Variants in TERB1 observed in about 807,000 individuals in gnomAD.
The protein encoded by TERB1 is telomere repeats-binding bouquet formation protein 1.
In TERB1, 63 loss-of-function variants were observed where a neutral mutation model predicts 92.3. The observed-to-expected ratio is 0.68, with a 90% CI of 0.56 to 0.84. The LOEUF (loss-of-function observed/expected upper bound fraction) is 0.84. Ranked by LOEUF, TERB1 falls within the 40% of genes least tolerant of loss-of-function variation. The pLI is 0.00. For synonymous variants in TERB1, 252 were observed against 283.9 expected, an observed-to-expected ratio of 0.89 and a Z score of 1.13; for missense variants, 709 against 843.7, an observed-to-expected ratio of 0.84 and a Z score of 1.98.
At chr16:66,763,140 CTTT>C (rs879758552) in intron 16 of TERB1, among the ~76,000 whole-genome samples, 1 of 144,776 alleles carries the variant, frequency 6.9e-6, no homozygotes, top group Non-Finnish European at 1.5e-5. Context: ...TTCATCATTA[CTTT>C]TTTTTTTTTA....
chr16:66,775,115 T>TA lies in TERB1; in HGVS notation c.1111+2dup. On this transcript the variant is annotated splice_region_variant and intron_variant, in intron 12 of 18. Transcript: ENST00000433154. ...TATGTTCTTAAAGTAATAGTACACTTACTAATTTTTTTGCAGTTGTGAAGC... is the reference window on the plus strand; with the variant it reads ...TATGTTCTTAAAGTAATAGTACACTTAACTAATTTTTTTGCAGTTGTGAAGC... The TA allele has an allele frequency of 1.3e-6, 2 of 1,551,372 alleles. No individual in the cohort carries two copies. Among genetic ancestry groups the TA allele is most frequent in the Non-Finnish European group, 1.7e-6 (2 of 1,146,870 alleles).
chr16:66,778,597 T>C (rs2018586575), intron 10 of TERB1, among the ~76,000 whole-genome samples: 1 of 152,120 alleles, frequency 6.6e-6, no homozygotes, highest in South Asian at 2.1e-4. Flanking sequence ...TTTGTATTTT[T>C]AGTAGAGATT....
rs553456043 is a variant in TERB1, at chr16:66,759,355, A to G, written c.1781-65T>C. 1.3e-5 allele frequency: 17 copies of G among 1,283,324 alleles called. No homozygotes were observed. In the South Asian group the frequency reaches 2.6e-4, roughly 20 times the overall value. The allele number at this position is 1,283,324 out of a possible 1,614,324, so 79.5% of individuals were successfully genotyped here. A position where few individuals can be genotyped will look rare whatever the true frequency, so the allele number is the denominator to read the frequency against. ...AAATATCTAGTAACAAATCTATGAT[A>G]GCAAATATCTATATGATGGTAACTG... is the stretch of plus-strand genomic sequence containing the variant. On this transcript the variant is annotated intron_variant, in intron 16 of 18. Coordinates refer to ENST00000433154, the MANE Select transcript of TERB1 (RefSeq NM_001136505.2).
chr16:66,776,036 T>TA (rs2018542401), intron 11 of TERB1, among the ~76,000 whole-genome samples: 1 of 151,598 alleles, frequency 6.6e-6, no homozygotes, highest in South Asian at 2.1e-4. Flanking sequence ...ACATAGAAAA[T>TA]AATTCACTTA....
chr16:66,799,140 T>C (rs1959217703), intron 2 of TERB1, among the ~76,000 whole-genome samples: 1 of 152,264 alleles, frequency 6.6e-6, no homozygotes, highest in Non-Finnish European at 1.5e-5. Context: ...ATGTTTTTGT[T>C]TCATGGACAA....
intron 3 of TERB1, among the ~76,000 whole-genome samples, chr16:66,793,605 G>T (rs972684338): frequency 6.6e-6 from 1 of 151,924 alleles, no homozygotes; most frequent in East Asian, 1.9e-4. Flanking sequence ...TCTGCCTCCC[G>T]GGCTCAAGCA....
chr16:66,785,248 G>C (rs1428358290), intron 9 of TERB1, among the ~76,000 whole-genome samples: 1 of 151,924 alleles, frequency 6.6e-6, no homozygotes, highest in Non-Finnish European at 1.5e-5. Context: ...TTACCATGTT[G>C]GTCAGGCTGG....
chr16:66,772,807 G>A (rs2018476422), intron 12 of TERB1, 58 bp from the exon 13 acceptor site: 1 of 1,326,152 alleles, frequency 7.5e-7, no homozygotes. Context: ...TTATATATAA[G>A]GACAACTTCA....
intron 3 of TERB1, among the ~76,000 whole-genome samples, chr16:66,792,215 G>T (rs906046998): frequency 6.6e-6 from 1 of 152,226 alleles, no homozygotes; most frequent in Non-Finnish European, 1.5e-5. Context: ...AAAATCCAAC[G>T]TGCATCCCTG....
intron 12 of TERB1, among the ~76,000 whole-genome samples, chr16:66,774,897 A>G (rs1311050352): frequency 6.6e-6 from 1 of 151,720 alleles, no homozygotes; most frequent in Non-Finnish European, 1.5e-5. Context: ...GAGTTTCTCT[A>G]TGTTGCCCAG....
At chr16:66,785,322 C>A (rs1485038583) in intron 9 of TERB1, among the ~76,000 whole-genome samples, 3 of 152,128 alleles carry the variant, frequency 2.0e-5, no homozygotes, top group African/African-American at 2.4e-5. Context: ...GGATTATAGG[C>A]GTGAGCCACC....
At chr16:66,769,825 T>G (rs2018412088) in intron 14 of TERB1, 138 bp downstream of exon 14, 1 of 677,208 alleles carries the variant, frequency 1.5e-6, no homozygotes, top group African/African-American at 1.8e-5. Context: ...TCCCAACACT[T>G]CCTACTTTAG....
chr16:66,794,411 T>G (rs1567479738), intron 3 of TERB1, among the ~76,000 whole-genome samples: 1 of 152,016 alleles, frequency 6.6e-6, no homozygotes, highest in Non-Finnish European at 1.5e-5. Context: ...GCAAGAAACT[T>G]CTTTACGTAT....
chr16:66,775,634 A>AAAAAAC (rs1286493064), intron 11 of TERB1, among the ~76,000 whole-genome samples: 2 of 152,146 alleles, frequency 1.3e-5, no homozygotes, highest in Admixed American at 6.5e-5. Flanking sequence ...ACTTTGTCTC[A>AAAAAAC]AAAAACAAAA....
At chr16:66,765,721 G>C (rs1335178620) in intron 16 of TERB1, among the ~76,000 whole-genome samples, 3 of 151,736 alleles carry the variant, frequency 2.0e-5, no homozygotes, top group African/African-American at 4.8e-5. Context: ...GCCTCCCAAA[G>C]TGCTAGGATT....
intron 12 of TERB1, among the ~76,000 whole-genome samples, chr16:66,773,098 G>A (rs2018481257): frequency 6.6e-6 from 1 of 151,894 alleles, no homozygotes; most frequent in Non-Finnish European, 1.5e-5. Flanking sequence ...GGATGCCGAG[G>A]CGGGAGGATC....
chr16:66,767,890 G>A (rs1212377632), intron 15 of TERB1, among the ~76,000 whole-genome samples: 1 of 152,060 alleles, frequency 6.6e-6, no homozygotes, highest in East Asian at 1.9e-4. Context: ...ACCGCACCTG[G>A]CTAATTTTTG....
In TERB1 at chr16:66,786,243, A is replaced by G. The variant is rs1352138427; in HGVS notation, c.443T>C (p.Val148Ala). ...TGTTTACCTGAATAACCGTGACAGA[A>G]CTGTAATACAACCTGTTTCTCTCAC... ...TLVRETGCIT[V>A]LSRLFRTVIS... Residue 148 changes from valine to alanine, a missense_variant, in exon 7 of 19, where the codon GTT becomes GCT. Transcript: ENST00000433154. The G allele has an allele frequency of 1.3e-6, 2 of 1,549,640 alleles. No individual in the cohort carries two copies. The highest frequency in any genetic ancestry group is 1.7e-6 in the Non-Finnish European group (2 of 1,146,092).
chr16:66,786,434 C>T (rs2018730260), intron 6 of TERB1, 149 bp from the exon 7 acceptor site: 1 of 595,094 alleles, frequency 1.7e-6, no homozygotes, highest in African/African-American at 1.9e-5. Context: ...GGATAAAAAT[C>T]TGCAATCAAG....
Sources: allele counts gnomAD v4.1 joint callset (sites outside exome capture counted in the v4.1 genomes callset), GRCh38; gene constraint gnomAD v4.1.1; transcripts MANE v1.5; gene names NCBI Gene and HGNC (gene_info 2026-07-23, HGNC 2026-07-21).